Variants in ZNF441 observed in about 807,000 individuals in gnomAD.
The protein encoded by ZNF441 is zinc finger protein 441.
ZNF441 carries 25 observed loss-of-function variants against 64.5 expected under a neutral mutation model. The observed-to-expected ratio is 0.39, with a 90% CI of 0.28 to 0.54. The LOEUF (loss-of-function observed/expected upper bound fraction) is 0.54, where lower values mean the gene tolerates loss of function less well. Among genes scored for constraint, ZNF441 ranks in the 20% least tolerant of loss-of-function variants. The pLI is 0.70. For synonymous variants in ZNF441, 262 were observed against 268.0 expected, an observed-to-expected ratio of 0.98 and a Z score of 0.22; for missense variants, 715 against 843.3, an observed-to-expected ratio of 0.85 and a Z score of 1.88.
At position 11,777,689 on chromosome 19, in the gene ZNF441, C is replaced by A; in HGVS notation, c.82C>A (p.Leu28Ile). The change falls in exon 2 of 4, where the codon CTC (leucine) becomes ATC (isoleucine). Residue 28 changes from leucine to isoleucine, a missense_variant. This residue lies in a region of ZNF441 where 399 missense variants were observed against 413.9 expected (regional missense o/e 0.96). Transcript: ENST00000357901. ...WALLGPSQKS[L>I]YRDVMQETIR... Reference sequence around the variant, plus strand: ...TTTGCTGGGTCCATCACAGAAGAGTCTCTACAGAGATGTGATGCAGGAAAC... The same window carrying A: ...TTTGCTGGGTCCATCACAGAAGAGTATCTACAGAGATGTGATGCAGGAAAC... 1 of 1,613,714 alleles carries A rather than the reference C, an allele frequency of 6.2e-7. No individual in the cohort carries two copies. The highest frequency in any genetic ancestry group is 2.2e-5 in the East Asian group (1 of 44,834).
At chr19:11,770,656 T>G (rs1182404457) in intron 1 of ZNF441, among the ~76,000 whole-genome samples, 1 of 152,104 alleles carries the variant, frequency 6.6e-6, no homozygotes, top group African/African-American at 2.4e-5. Flanking sequence ...CAACTTCTGC[T>G]CCCTGGGATC....
chr19:11,777,678 CACAGAA>C lies in ZNF441; in HGVS notation c.72_77del (p.Gln25_Lys26del). 6.2e-7 allele frequency: 1 copy of C among 1,613,794 alleles called. No individual in the cohort carries two copies. Among genetic ancestry groups the C allele is most frequent in the Non-Finnish European group, 8.5e-7 (1 of 1,179,840 alleles). Reference sequence around the variant, plus strand: ...GAGGAGTGGGCTTTGCTGGGTCCATCACAGAAGAGTCTCTACAGAGATGTGATGCAG... The same window carrying C: ...GAGGAGTGGGCTTTGCTGGGTCCATCGAGTCTCTACAGAGATGTGATGCAG... On this transcript the variant is annotated inframe_deletion, in exon 2 of 4. Transcript: ENST00000357901.
chr19:11,784,042 T>C lies in ZNF441; in HGVS notation c.*2136T>C, dbSNP rs931078083. The stretch of plus-strand genomic sequence containing the variant: ...ACCTTATATATATGTAAAATATGTA[T>C]CAATAAAAGAAAATATATAAGATAG... On this transcript the variant is annotated 3_prime_UTR_variant, in exon 4 of 4. Coordinates refer to ENST00000357901, the MANE Select transcript of ZNF441 (RefSeq NM_152355.3). 4 of 152,156 alleles carry C rather than the reference T, an allele frequency of 2.6e-5. No individual in the cohort carries two copies. The highest frequency in any genetic ancestry group is 5.9e-5 in the Non-Finnish European group (4 of 68,034). The allele number at this position is 152,156 out of a possible 1,614,324, so 9.4% of individuals were successfully genotyped here. A position where few individuals can be genotyped will look rare whatever the true frequency, so the allele number is the denominator to read the frequency against.
At chr19:11,775,519 C>T (rs974270282) in intron 1 of ZNF441, among the ~76,000 whole-genome samples, 48 of 151,656 alleles carry the variant, frequency 3.2e-4, no homozygotes, top group Non-Finnish European at 5.7e-4. Flanking sequence ...TTAGTAGAGA[C>T]GGGGTTTCAC....
chr19:11,783,915 G>A lies in ZNF441; in HGVS notation c.*2009G>A, dbSNP rs1021727797. 6.6e-6 allele frequency: 1 copy of A among 152,154 alleles called. No individual in the cohort carries two copies. Among genetic ancestry groups the A allele is most frequent in the Non-Finnish European group, 1.5e-5 (1 of 68,024 alleles). The allele number at this position is 152,154 out of a possible 1,614,324, so 9.4% of individuals were successfully genotyped here. A position where few individuals can be genotyped will look rare whatever the true frequency, so the allele number is the denominator to read the frequency against. Reference sequence around the variant, plus strand: ...GTAGTTGGAAGAGAGGACTTGAAATGTTACCAACACATAGAAGTGGTAAAT... The same window carrying A: ...GTAGTTGGAAGAGAGGACTTGAAATATTACCAACACATAGAAGTGGTAAAT... On this transcript the variant is annotated 3_prime_UTR_variant, in exon 4 of 4. Transcript: ENST00000357901.
rs1340357441 is a variant in ZNF441, at chr19:11,780,669, G to A, written c.845G>A (p.Cys282Tyr). 15 of 1,613,992 alleles carry A rather than the reference G, an allele frequency of 9.3e-6. No individual in the cohort carries two copies. Among genetic ancestry groups the A allele is most frequent in the African/African-American group, 1.3e-5 (1 of 74,910 alleles). Reference protein sequence around the residue: ...RTHTGEQSYECKQCGKAFYHL... With the variant: ...RTHTGEQSYEYKQCGKAFYHL... ...CACACTGGAGAACAATCCTATGAATGTAAGCAATGTGGGAAAGCATTTTAT... is the reference window on the plus strand; with the variant it reads ...CACACTGGAGAACAATCCTATGAATATAAGCAATGTGGGAAAGCATTTTAT... The change falls in exon 4 of 4, where the codon TGT becomes TAT. Residue 282 changes from cysteine to tyrosine, a missense_variant. Physicochemically the swap from Cys to Tyr is radical, Grantham distance 194. Coordinates refer to ENST00000357901, the MANE Select transcript of ZNF441 (RefSeq NM_152355.3).
Position 11,777,729 on chromosome 19 carries a change from A to G in ZNF441, c.122A>G (p.Asp41Gly), listed in dbSNP as rs768034664. ...ATGCAGGAAACCATCAGAAACCTGG[A>G]CTGTATAGGTAAGGATGTCATCATG... is the stretch of plus-strand genomic sequence containing the variant. ...DVMQETIRNL[D>G]CIGMIWQNHD... The change falls in exon 2 of 4, where the codon GAC (aspartate) becomes GGC (glycine). Residue 41 changes from aspartate to glycine, a missense_variant. Asp to Gly is a moderately conservative substitution (Grantham distance 94). Coordinates refer to ENST00000357901, the MANE Select transcript of ZNF441 (RefSeq NM_152355.3). 4.3e-6 allele frequency: 7 copies of G among 1,611,532 alleles called. No individual in the cohort carries two copies. The highest frequency in any genetic ancestry group is 5.9e-6 in the Non-Finnish European group (7 of 1,178,898).
At chr19:11,773,018 C>T (rs1349356624) in intron 1 of ZNF441, among the ~76,000 whole-genome samples, 1 of 152,192 alleles carries the variant, frequency 6.6e-6, no homozygotes, top group Non-Finnish European at 1.5e-5. Context: ...GTCTCAATCT[C>T]CTGACCTCGT....
rs1975422367 is a variant in ZNF441, at chr19:11,783,691, C to G, written c.*1785C>G. 6.6e-6 allele frequency: 1 copy of G among 152,124 alleles called. No homozygotes were observed. Among genetic ancestry groups the G allele is most frequent in the African/African-American group, 2.4e-5 (1 of 41,432 alleles). The allele number at this position is 152,124 out of a possible 1,614,324, so 9.4% of individuals were successfully genotyped here. A position where few individuals can be genotyped will look rare whatever the true frequency, so the allele number is the denominator to read the frequency against. On this transcript the variant is annotated 3_prime_UTR_variant, in exon 4 of 4. Coordinates refer to ENST00000357901, the MANE Select transcript of ZNF441 (RefSeq NM_152355.3). Reference sequence around the variant, plus strand: ...CACAGAAAGACAAATACCACATGTTCTCACTTATATGTGGGAGGTGAAAAA... The same window carrying G: ...CACAGAAAGACAAATACCACATGTTGTCACTTATATGTGGGAGGTGAAAAA...
chr19:11,782,083 A>C lies in ZNF441; in HGVS notation c.*177A>C. 2.1e-6 allele frequency: 1 copy of C among 487,458 alleles called. No homozygotes were observed. The highest frequency in any genetic ancestry group is 3.5e-6 in the Non-Finnish European group (1 of 284,300). 30.2% of individuals were successfully genotyped at this position (487,458 alleles called of 1,614,324 possible). A position where few individuals can be genotyped will look rare whatever the true frequency, so the allele number is the denominator to read the frequency against. ...CCAAACTCATACTTCAAAAATATAT[A>C]TATAATGAATGTGAGGAATATGAAA... On this transcript the variant is annotated 3_prime_UTR_variant, in exon 4 of 4. Transcript: ENST00000357901.
rs1053555015 is a variant in ZNF441 at position 11,779,962 on chromosome 19, T to C, written c.195-57T>C. The C allele has an allele frequency of 3.7e-6, 5 of 1,347,350 alleles. No homozygotes were observed. The Admixed American group carries it at 8.8e-5, about 24-fold the overall frequency. 83.5% of individuals were successfully genotyped at this position (1,347,350 alleles called of 1,614,324 possible). A position where few individuals can be genotyped will look rare whatever the true frequency, so the allele number is the denominator to read the frequency against. On this transcript the variant is annotated intron_variant, in intron 3 of 3. Coordinates refer to ENST00000357901, the MANE Select transcript of ZNF441 (RefSeq NM_152355.3). ...AAAAGAAATGTAAATCCAATACTTA[T>C]TAATACAAAATCATTTATAAACAAA...
chr19:11,775,776 C>T (rs991565769), intron 1 of ZNF441, among the ~76,000 whole-genome samples: 14 of 151,798 alleles, frequency 9.2e-5, no homozygotes, highest in African/African-American at 2.4e-4. Flanking sequence ...TACAGGTGCC[C>T]GCCACCACAC....
chr19:11,774,111 C>T (rs1431757580), intron 1 of ZNF441, among the ~76,000 whole-genome samples: 1 of 152,048 alleles, frequency 6.6e-6, no homozygotes, highest in Non-Finnish European at 1.5e-5. Context: ...AGTGAATTCA[C>T]TAGAGTTGGT....
Position 11,782,947 on chromosome 19 carries a change from A to G in ZNF441, c.*1041A>G, listed in dbSNP as rs987505060. ...AGACAACAAAGATAAAAATAGACAA[A>G]TGAGACTATCTTACACTAAAAAGTA... On this transcript the variant is annotated 3_prime_UTR_variant, in exon 4 of 4. Transcript: ENST00000357901. The G allele has an allele frequency of 6.6e-6, 1 of 152,204 alleles. No homozygotes were observed. Among genetic ancestry groups the G allele is most frequent in the African/African-American group, 2.4e-5 (1 of 41,456 alleles). The allele number at this position is 152,204 out of a possible 1,614,324, so 9.4% of individuals were successfully genotyped here. A position where few individuals can be genotyped will look rare whatever the true frequency, so the allele number is the denominator to read the frequency against.
chr19:11,767,749 C>G lies in ZNF441; in HGVS notation c.3+553C>G, dbSNP rs1206534681. On this transcript the variant is annotated intron_variant, in intron 1 of 3. Coordinates refer to ENST00000357901, the MANE Select transcript of ZNF441 (RefSeq NM_152355.3). The surrounding 1 kb of genome is among the most constrained non-coding windows in gnomAD (Gnocchi z 5.1). ...TTCAGCCTGGTTGGCGCCAGCCTTTCCGCTGGAATTCAGGATCTGAGAAAG... is the reference window on the plus strand; with the variant it reads ...TTCAGCCTGGTTGGCGCCAGCCTTTGCGCTGGAATTCAGGATCTGAGAAAG... Among the ~76,000 whole-genome samples the G allele has an allele frequency of 6.6e-6, 1 of 152,176 alleles. No individual in the cohort carries two copies. The highest frequency in any genetic ancestry group is 6.5e-5 in the Admixed American group (1 of 15,276).
intron 1 of ZNF441, among the ~76,000 whole-genome samples, chr19:11,775,577 C>A (rs902442088): frequency 6.6e-6 from 1 of 151,054 alleles, no homozygotes; most frequent in South Asian, 2.1e-4. Flanking sequence ...GATCCGCCCA[C>A]CTCGGCCTCC....
At chr19:11,770,867 G>A (rs981387352) in intron 1 of ZNF441, among the ~76,000 whole-genome samples, 5 of 151,326 alleles carry the variant, frequency 3.3e-5, no homozygotes, top group African/African-American at 1.2e-4. Flanking sequence ...GGGATTACAT[G>A]TGTGAGCCAC....
chr19:11,780,194 G>A lies in ZNF441; in HGVS notation c.370G>A (p.Val124Ile), dbSNP rs1975388324. The change falls in exon 4 of 4, where the codon GTT becomes ATT. Residue 124 changes from valine (V) to isoleucine (I), a missense_variant. Physicochemically the swap from Val to Ile is conservative, Grantham distance 29. Transcript: ENST00000357901. ...GRSSLNCYVR[V>I]DSEHKPCEYQ... ...TTCATCTCTTAATTGCTACGTTAGA[G>A]TTGACAGTGAACACAAACCATGTGA... is the stretch of plus-strand genomic sequence containing the variant. 6.2e-7 allele frequency: 1 copy of A among 1,614,070 alleles called. No individual in the cohort carries two copies. Among genetic ancestry groups the A allele is most frequent in the Admixed American group, 1.7e-5 (1 of 59,992 alleles).
Position 11,781,919 on chromosome 19 carries a change from TGAG to T in ZNF441, c.*14_*16del, listed in dbSNP as rs775711380. ...AATGACTCACTAGAGAAAACCCCTA[TGAG>T]TGTTGAACATGTGAGAAAGCCTTAA... On this transcript the variant is annotated 3_prime_UTR_variant, in exon 4 of 4. Transcript: ENST00000357901. The T allele has an allele frequency of 6.4e-7, 1 of 1,560,824 alleles. No homozygotes were observed. Among genetic ancestry groups the T allele is most frequent in the East Asian group, 2.3e-5 (1 of 44,222 alleles).
Sources: allele counts gnomAD v4.1 joint callset (sites outside exome capture counted in the v4.1 genomes callset), GRCh38; gene constraint gnomAD v4.1.1; regional missense constraint gnomAD v4.1.1; non-coding constraint Gnocchi (gnomAD v3.1); transcripts MANE v1.5; gene names NCBI Gene and HGNC (gene_info 2026-07-23, HGNC 2026-07-21).